Variants in FLI1 observed in about 807,000 individuals in gnomAD.
FLI1 encodes Fli-1 proto-oncogene, ETS transcription factor.
In FLI1, 13 loss-of-function variants were observed where a neutral mutation model predicts 53.1. The observed-to-expected ratio is 0.24, with a 90% CI of 0.16 to 0.39. The LOEUF (loss-of-function observed/expected upper bound fraction) is 0.39, where lower values mean the gene tolerates loss of function less well. Among genes scored for constraint, FLI1 ranks in the 10% least tolerant of loss-of-function variants. FLI1 has a pLI of 1.00. For synonymous variants in FLI1, 244 were observed against 236.7 expected (o/e 1.03, Z -0.28); for missense variants, 424 against 600.5 (o/e 0.71, Z 3.07).
At chr11:128,759,001 G>A (rs192347028) in intron 2 of FLI1, among the ~76,000 whole-genome samples, 2 of 152,210 alleles carry the variant, frequency 1.3e-5, no homozygotes, top group Non-Finnish European at 2.9e-5. Flanking sequence ...ACCCCTCAGA[G>A]CACCAGCTTT....
At chr11:128,771,523 T>G (rs1046903268) in intron 3 of FLI1, among the ~76,000 whole-genome samples, 5 of 152,212 alleles carry the variant, frequency 3.3e-5, no homozygotes, top group African/African-American at 1.2e-4. Context: ...TTGCCCCACA[T>G]CCACTCCTAG....
At chr11:128,700,874 AAAT>A (rs1253120100) in intron 1 of FLI1, among the ~76,000 whole-genome samples, 2 of 152,190 alleles carry the variant, frequency 1.3e-5, no homozygotes, top group South Asian at 4.1e-4. Context: ...ACCTGCCTCA[AAAT>A]AATAATAACT....
intron 1 of FLI1, among the ~76,000 whole-genome samples, chr11:128,745,854 C>T (rs912901373): frequency 3.9e-5 from 6 of 152,204 alleles, no homozygotes; most frequent in Admixed American, 2.6e-4. Flanking sequence ...CCCCCATATG[C>T]ATGTTTCCTC....
intron 7 of FLI1, among the ~76,000 whole-genome samples, chr11:128,807,657 A>T (rs919500462): frequency 6.6e-6 from 1 of 152,188 alleles, no homozygotes; most frequent in African/African-American, 2.4e-5. Context: ...AGTTGGCTTA[A>T]CAATTAAGGC....
rs538406868 is a variant in FLI1, at chr11:128,786,732, A to C, written c.655+4709A>C. The stretch of plus-strand genomic sequence containing the variant: ...ACACTCAGCTGGCCCAGCAGTGTGC[A>C]ACAATCAGCACATCTCTTCCTCAGA... On this transcript the variant is annotated intron_variant, in intron 5 of 8. Transcript: ENST00000527786. Among the ~76,000 whole-genome samples, 9 of 152,340 alleles carry C rather than the reference A, an allele frequency of 5.9e-5. No homozygotes were observed. In the East Asian group the frequency reaches 1.5e-3, roughly 26 times the overall value.
At chr11:128,706,915 C>T (rs1424168271) in intron 1 of FLI1, among the ~76,000 whole-genome samples, 2 of 152,178 alleles carry the variant, frequency 1.3e-5, no homozygotes, top group East Asian at 3.9e-4. Context: ...TTTCTTAGGG[C>T]TAATTCAACA....
intron 5 of FLI1, among the ~76,000 whole-genome samples, chr11:128,784,220 TCTCCTCCTCCTCCTCCTC>T (rs61050928): frequency 1.4e-3 from 167 of 118,000 alleles, no homozygotes; most frequent in Non-Finnish European, 1.7e-3. Context: ...TTGCTAACCA[TCTCCTCCTCCTCCTCCTC>T]CTCCTCCTCC....
chr11:128,785,020 A>G lies in FLI1; in HGVS notation c.655+2997A>G, dbSNP rs1163470493. Among the ~76,000 whole-genome samples the G allele has an allele frequency of 2.6e-5, 4 of 152,346 alleles. No individual in the cohort carries two copies. In the East Asian group the frequency reaches 7.7e-4, roughly 29 times the overall value. ...GAATGGCTTTTTGCTTTAAAATTGT[A>G]TAATCACCCTTCCAGCTTGTCTCTT... is the stretch of plus-strand genomic sequence containing the variant. On this transcript the variant is annotated intron_variant, in intron 5 of 8. Transcript: ENST00000527786.
At chr11:128,755,078 C>T (rs1181022208) in intron 1 of FLI1, among the ~76,000 whole-genome samples, 3 of 152,164 alleles carry the variant, frequency 2.0e-5, no homozygotes, top group Admixed American at 6.5e-5. Context: ...TGTGTATTCT[C>T]TTTGCTGTGA....
intron 5 of FLI1, chr11:128,803,934 A>G (rs1942703448): frequency 6.6e-6 from 1 of 152,212 alleles, no homozygotes; most frequent in African/African-American, 2.4e-5. Context: ...AAAAAAAGTC[A>G]AACAGAAACA....
At position 128,811,255 on chromosome 11, in the gene FLI1, T is replaced by C. The variant is rs778325713; in HGVS notation, c.*267T>C. 12 of 507,750 alleles carry C rather than the reference T, an allele frequency of 2.4e-5. No individual in the cohort carries two copies. The highest frequency in any genetic ancestry group is 4.2e-5 in the Non-Finnish European group (12 of 286,200). The allele number at this position is 507,750 out of a possible 1,614,324, so 31.5% of individuals were successfully genotyped here. On this transcript the variant is annotated 3_prime_UTR_variant, in exon 9 of 9. Transcript: ENST00000527786. ...GTCTCCTAGCATCTTGTGAGTTGCA[T>C]ATTAAGATTACTGGAATGGTTAAGT...
intron 3 of FLI1, among the ~76,000 whole-genome samples, chr11:128,769,383 TA>T (rs554650134): frequency 3.7e-3 from 560 of 152,346 alleles, no homozygotes; most frequent in Non-Finnish European, 5.9e-3. Context: ...CTTCCATTTG[TA>T]AAAGCATAAA....
rs145528985 is a variant in FLI1, at chr11:128,698,006, C to T, written c.18+3730C>T. Among the ~76,000 whole-genome samples, 277 of 140,014 alleles carry T rather than the reference C, an allele frequency of 2.0e-3. 1 individual carries two copies. Among genetic ancestry groups the T allele is most frequent in the African/African-American group, 7.2e-3 (265 of 36,688 alleles). 91.9% of individuals were successfully genotyped at this position (140,014 alleles called of 152,430 possible). On this transcript the variant is annotated intron_variant, in intron 1 of 8. Transcript: ENST00000527786. The stretch of plus-strand genomic sequence containing the variant: ...GAAGCGTGTCTAACAAAGTCACAGT[C>T]GGGCAGAGGCACTCTCTCGTCATTA...
intron 1 of FLI1, among the ~76,000 whole-genome samples, chr11:128,717,165 C>T (rs1939049274): frequency 6.6e-6 from 1 of 152,130 alleles, no homozygotes; most frequent in Non-Finnish European, 1.5e-5. Flanking sequence ...CCTCCCACTT[C>T]AGCTTCAAGC....
intron 5 of FLI1, among the ~76,000 whole-genome samples, chr11:128,787,396 C>T (rs1269656048): frequency 6.6e-6 from 1 of 152,154 alleles, no homozygotes; most frequent in African/African-American, 2.4e-5. Flanking sequence ...AAGTCCGGGC[C>T]TTTGGTGTGT....
chr11:128,707,978 A>G (rs1374214001), intron 1 of FLI1, among the ~76,000 whole-genome samples: 2 of 152,202 alleles, frequency 1.3e-5, no homozygotes, highest in East Asian at 3.8e-4. Flanking sequence ...AATGTTGTTC[A>G]GACATTTGCA....
intron 1 of FLI1, among the ~76,000 whole-genome samples, chr11:128,710,042 A>C (rs781276205): frequency 3.9e-5 from 6 of 152,212 alleles, no homozygotes; most frequent in Non-Finnish European, 8.8e-5. Flanking sequence ...TTGAAGTCAC[A>C]AGTGATGGAG....
At chr11:128,739,721 T>C (rs1003701197) in intron 1 of FLI1, among the ~76,000 whole-genome samples, 1 of 151,896 alleles carries the variant, frequency 6.6e-6, no homozygotes, top group African/African-American at 2.4e-5. Context: ...GAAAACTCTA[T>C]TTTACTTCGA....
intron 1 of FLI1, among the ~76,000 whole-genome samples, chr11:128,756,136 A>C (rs1282999725): frequency 1.3e-5 from 2 of 152,242 alleles, no homozygotes; most frequent in African/African-American, 4.8e-5. Flanking sequence ...TACATTTTCA[A>C]GTAAAGGTGG....
Sources: gnomAD v4.1 joint callset for allele counts (sites outside exome capture counted in the v4.1 genomes callset) on GRCh38, gnomAD v4.1.1 for gene constraint, MANE v1.5 for transcripts, NCBI Gene and HGNC (gene_info 2026-07-23, HGNC 2026-07-21) for gene names.